NTM: variants seen among roughly 807,000 people sequenced by gnomAD.
NTM encodes IgLON family member 2.
In NTM, 13 loss-of-function variants were observed where a neutral mutation model predicts 42.1. That is an observed-to-expected ratio of 0.31 (90% confidence interval 0.20 to 0.49). NTM has a LOEUF of 0.49. Among genes scored for constraint, NTM ranks in the 20% least tolerant of loss-of-function variants. The probability of loss-of-function intolerance (pLI) is 0.99; values close to 1 mark genes in which losing one functional copy is unlikely to be tolerated. For synonymous variants in NTM, 187 were observed against 179.2 expected, an observed-to-expected ratio of 1.04 and a Z score of -0.35; for missense variants, 373 against 452.8, an observed-to-expected ratio of 0.82 and a Z score of 1.60.
At chr11:132,333,671 G>A (rs1226595566) in intron 8 of NTM, among the ~76,000 whole-genome samples, 1 of 152,074 alleles carries the variant, frequency 6.6e-6, no homozygotes, top group Non-Finnish European at 1.5e-5. Context: ...CTCAGCATGG[G>A]GATCTGCACC....
intron 7 of NTM, 28 bp from the exon 8 acceptor site, chr11:132,330,125 A>G: frequency 6.4e-7 from 1 of 1,551,600 alleles, no homozygotes; most frequent in Non-Finnish European, 8.7e-7. Flanking sequence ...TTCGACCTTA[A>G]CAGTGGCTTG....
chr11:131,823,145 G>A (rs1271520896), intron 1 of NTM, among the ~76,000 whole-genome samples: 1 of 152,160 alleles, frequency 6.6e-6, no homozygotes, highest in Non-Finnish European at 1.5e-5. Context: ...ATATTACTTG[G>A]GAGGGGAGAT....
chr11:131,468,157 C>T (rs764825950), intron 1 of NTM, among the ~76,000 whole-genome samples: 7 of 152,216 alleles, frequency 4.6e-5, no homozygotes, highest in South Asian at 2.1e-4. Context: ...CCTGCCCACT[C>T]GCACTTTGCC....
intron 2 of NTM, among the ~76,000 whole-genome samples, chr11:131,952,400 C>A (rs1280204442): frequency 1.3e-5 from 2 of 152,160 alleles, no homozygotes; most frequent in African/African-American, 4.8e-5. Flanking sequence ...TGTGTGTGCA[C>A]ACATATATGT....
intron 1 of NTM, among the ~76,000 whole-genome samples, chr11:131,806,164 T>C (rs1247672478): frequency 6.6e-6 from 1 of 152,238 alleles, no homozygotes; most frequent in East Asian, 1.9e-4. Flanking sequence ...ACCTGCTAAA[T>C]TCCATGCAGT....
At chr11:131,617,932 A>T (rs996967816) in intron 1 of NTM, among the ~76,000 whole-genome samples, 1 of 152,086 alleles carries the variant, frequency 6.6e-6, no homozygotes, top group Non-Finnish European at 1.5e-5. Flanking sequence ...TGAGATGGAC[A>T]GGGAGGGGGC....
At chr11:132,166,294 C>T (rs963270052) in intron 3 of NTM, among the ~76,000 whole-genome samples, 1 of 152,082 alleles carries the variant, frequency 6.6e-6, no homozygotes, top group Non-Finnish European at 1.5e-5. Context: ...CCCGCCTTGC[C>T]CACCTCATGG....
Position 131,461,906 on chromosome 11 carries a change from A to G in NTM, c.82+91018A>G, listed in dbSNP as rs959447562. The stretch of plus-strand genomic sequence containing the variant: ...GGACATTCAAATTAAACATGCCTTT[A>G]TCTGAAATCCCAGCAAGACCAAGAG... On this transcript the variant is annotated intron_variant, in intron 1 of 8. Coordinates refer to ENST00000683400, the MANE Select transcript of NTM (RefSeq NM_001352005.2). 2.0e-5 allele frequency among the ~76,000 whole-genome samples: 3 copies of G among 152,226 alleles called. No individual in the cohort carries two copies. In the South Asian group the frequency reaches 6.2e-4, roughly 31 times the overall value.
chr11:132,235,993 G>GAC (rs367555812), intron 4 of NTM, among the ~76,000 whole-genome samples: 4,775 of 101,220 alleles, frequency 0.047, 124 homozygotes, highest in African/African-American at 0.099. Context: ...CACACACACA[G>GAC]ACACACACAC....
At chr11:131,835,111 A>G (rs865888570) in intron 1 of NTM, among the ~76,000 whole-genome samples, 1 of 152,220 alleles carries the variant, frequency 6.6e-6, no homozygotes, top group South Asian at 2.1e-4. Context: ...ATGTATTATA[A>G]GCAGAACAGG....
intron 1 of NTM, among the ~76,000 whole-genome samples, chr11:131,722,575 A>G (rs2078496983): frequency 6.6e-6 from 1 of 152,242 alleles, no homozygotes; most frequent in Non-Finnish European, 1.5e-5. Flanking sequence ...GAGAGTAAGT[A>G]CGCTGTTAGG....
At chr11:131,822,123 C>A (rs966959066) in intron 1 of NTM, among the ~76,000 whole-genome samples, 1 of 148,394 alleles carries the variant, frequency 6.7e-6, no homozygotes, top group South Asian at 2.1e-4. Flanking sequence ...AGTGACAGTA[C>A]TGCTATGTTG....
At chr11:132,168,357 G>T (rs895872543) in intron 3 of NTM, among the ~76,000 whole-genome samples, 13 of 152,122 alleles carry the variant, frequency 8.5e-5, no homozygotes, top group African/African-American at 3.1e-4. Context: ...CTGGTTAAAG[G>T]TTGACTTGGT....
intron 1 of NTM, among the ~76,000 whole-genome samples, chr11:131,782,358 T>C (rs781272379): frequency 1.7e-4 from 25 of 151,276 alleles, no homozygotes; most frequent in South Asian, 4.2e-4. Flanking sequence ...AATACATATA[T>C]AATGTTTCCA....
intron 1 of NTM, among the ~76,000 whole-genome samples, chr11:131,909,158 T>C (rs368769767): frequency 6.6e-6 from 1 of 152,352 alleles, no homozygotes; most frequent in East Asian, 1.9e-4. Context: ...CCTAGTCAAC[T>C]ATGACAATGG....
intron 1 of NTM, among the ~76,000 whole-genome samples, chr11:131,746,373 G>T (rs2081830886): frequency 6.6e-6 from 1 of 152,148 alleles, no homozygotes; most frequent in Non-Finnish European, 1.5e-5. Context: ...GCCCAATGGG[G>T]AGCTCTCCAC....
chr11:131,869,138 G>A (rs1255101410), intron 1 of NTM, among the ~76,000 whole-genome samples: 1 of 151,910 alleles, frequency 6.6e-6, no homozygotes, highest in African/African-American at 2.4e-5. Context: ...TCTCAATTGA[G>A]AACATGAGTA....
intron 1 of NTM, among the ~76,000 whole-genome samples, chr11:131,463,985 A>T (rs1005775483): frequency 2.0e-5 from 3 of 152,262 alleles, no homozygotes; most frequent in Non-Finnish European, 4.4e-5. Context: ...CCATAATTAA[A>T]GTAACAGCTC....
At chr11:131,926,542 A>G (rs1273182369) in intron 2 of NTM, among the ~76,000 whole-genome samples, 1 of 152,114 alleles carries the variant, frequency 6.6e-6, no homozygotes, top group East Asian at 1.9e-4. Flanking sequence ...AGGAAGGGTC[A>G]AAGCTGAATA....
Sources: gnomAD v4.1 joint callset for allele counts (sites outside exome capture counted in the v4.1 genomes callset) on GRCh38, gnomAD v4.1.1 for gene constraint, MANE v1.5 for transcripts, NCBI Gene and HGNC (gene_info 2026-07-23, HGNC 2026-07-21) for gene names.